LRRFIP2: variants seen among roughly 807,000 people sequenced by gnomAD.
LRRFIP2 encodes LRR binding FLII interacting protein 2.
Under a neutral mutation model 125.9 loss-of-function variants are expected in LRRFIP2, and 109 were observed. The ratio of observed to expected loss-of-function variants is 0.87; its 90% CI spans 0.74 to 1.01. LRRFIP2 has a LOEUF of 1.01. Among genes scored for constraint, LRRFIP2 ranks in the 50% least tolerant of loss-of-function variants. The pLI is 0.00. For synonymous variants in LRRFIP2, 291 were observed against 293.1 expected (o/e 0.99, Z 0.07); for missense variants, 850 against 862.3 (o/e 0.99, Z 0.18).
intron 17 of LRRFIP2, among the ~76,000 whole-genome samples, chr3:37,092,226 T>C (rs2093482217): frequency 6.6e-6 from 1 of 152,244 alleles, no homozygotes; most frequent in South Asian, 2.1e-4. Context: ...AAATACTGTT[T>C]CCCTGTGTCT....
chr3:37,055,069 C>T lies in LRRFIP2; in HGVS notation c.1950+17G>A, dbSNP rs768966406. ...GAAGGACATTTAAATAACTTAGTAC[C>T]ATATAGAAGTACTTACACTTTGCTC... On this transcript the variant is annotated intron_variant, in intron 26 of 27. Coordinates refer to ENST00000336686, the MANE Select transcript of LRRFIP2 (RefSeq NM_006309.4). The T allele has an allele frequency of 1.3e-6, 2 of 1,524,148 alleles. No individual in the cohort carries two copies. Among genetic ancestry groups the T allele is most frequent in the Non-Finnish European group, 1.8e-6 (2 of 1,110,292 alleles). 94.4% of individuals were successfully genotyped at this position (1,524,148 alleles called of 1,614,324 possible).
chr3:37,054,594 T>C, intron 26 of LRRFIP2, 79 bp from the exon 27 acceptor site: 2 of 926,486 alleles, frequency 2.2e-6, no homozygotes, highest in South Asian at 2.9e-5. Context: ...GGAAATACAA[T>C]GTCATTATAA....
intron 2 of LRRFIP2, among the ~76,000 whole-genome samples, chr3:37,135,319 C>T (rs902278020): frequency 4.6e-5 from 7 of 152,018 alleles, no homozygotes; most frequent in Admixed American, 4.6e-4. Flanking sequence ...ATTAGCTGGG[C>T]ATGGTGGCGT....
intron 2 of LRRFIP2, among the ~76,000 whole-genome samples, chr3:37,131,105 G>C (rs1226858915): frequency 6.6e-6 from 1 of 152,118 alleles, no homozygotes; most frequent in African/African-American, 2.4e-5. Context: ...ACTATCCACA[G>C]TTTCAGGCAT....
intron 18 of LRRFIP2, among the ~76,000 whole-genome samples, chr3:37,088,644 T>A (rs1048586117): frequency 6.7e-6 from 1 of 150,148 alleles, no homozygotes; most frequent in East Asian, 2.0e-4. Flanking sequence ...AGACTCCGTA[T>A]CTATAAAAAA....
chr3:37,079,566 C>A (rs2148989160), intron 19 of LRRFIP2, among the ~76,000 whole-genome samples: 1 of 152,118 alleles, frequency 6.6e-6, no homozygotes, highest in Middle Eastern at 3.4e-3. Flanking sequence ...TAGCAAGGCC[C>A]CATCTCTTAG....
At chr3:37,142,932 G>A (rs895896494) in intron 2 of LRRFIP2, among the ~76,000 whole-genome samples, 4 of 152,170 alleles carry the variant, frequency 2.6e-5, no homozygotes, top group Admixed American at 2.0e-4. Flanking sequence ...AGTGTTGGAG[G>A]TGAGGCCTGG....
rs747386304 is a variant in LRRFIP2 at position 37,129,094 on chromosome 3, C to A, written c.146G>T (p.Arg49Leu). 4 of 1,614,090 alleles carry A rather than the reference C, an allele frequency of 2.5e-6. No individual in the cohort carries two copies. In the South Asian group the frequency reaches 3.3e-5, roughly 13 times the overall value. The stretch of plus-strand genomic sequence containing the variant: ...TTGTTGTCGTTCCAGTTCTCTCATG[C>A]GTATATCTCTTGCTTCTGCCCGGGC... ...RAARAEARDI[R>L]MRELERQQKE... The change falls in exon 3 of 28, where the codon CGC becomes CTC. Residue 49 changes from arginine (R) to leucine (L), a missense_variant. Physicochemically the swap from Arg to Leu is moderately radical, Grantham distance 102. Transcript: ENST00000336686.
At chr3:37,152,447 A>T (rs1021279152) in intron 1 of LRRFIP2, among the ~76,000 whole-genome samples, 3 of 147,866 alleles carry the variant, frequency 2.0e-5, no homozygotes, top group Admixed American at 1.3e-4. Context: ...TATTGAAATA[A>T]TTTTTTTTTT....
intron 1 of LRRFIP2, among the ~76,000 whole-genome samples, chr3:37,150,290 C>T (rs1029411273): frequency 3.3e-5 from 5 of 152,096 alleles, no homozygotes; most frequent in African/African-American, 7.2e-5. Context: ...TGGTGAAACC[C>T]CATCTCTACT....
At chr3:37,160,172 T>G (rs1048850724) in intron 1 of LRRFIP2, among the ~76,000 whole-genome samples, 9 of 151,908 alleles carry the variant, frequency 5.9e-5, no homozygotes, top group Admixed American at 3.9e-4. Context: ...GGGTAAGCAA[T>G]GGGAACAGGG....
intron 6 of LRRFIP2, among the ~76,000 whole-genome samples, chr3:37,118,050 A>G (rs2149512420): frequency 1.3e-5 from 2 of 152,270 alleles, no homozygotes; most frequent in East Asian, 3.9e-4. Context: ...ATCTCCACCA[A>G]TGAGAAAAGG....
intron 1 of LRRFIP2, chr3:37,174,291 T>G (rs2096626571): frequency 6.6e-6 from 1 of 152,232 alleles, no homozygotes; most frequent in African/African-American, 2.4e-5. Context: ...GATTTCAACC[T>G]TATTTTACTT....
intron 1 of LRRFIP2, among the ~76,000 whole-genome samples, chr3:37,156,560 G>C (rs1327514571): frequency 6.6e-6 from 1 of 150,410 alleles, no homozygotes; most frequent in African/African-American, 2.4e-5. Flanking sequence ...TGTAGTCCCA[G>C]CTACTCGGGA....
At chr3:37,165,221 C>T (rs369042656) in intron 1 of LRRFIP2, among the ~76,000 whole-genome samples, 10 of 148,520 alleles carry the variant, frequency 6.7e-5, no homozygotes, top group Non-Finnish European at 1.3e-4. Context: ...GGTGACAGAG[C>T]GAGACTCTGT....
intron 2 of LRRFIP2, chr3:37,135,026 A>C: frequency 2.0e-6 from 3 of 1,476,964 alleles, no homozygotes; most frequent in Non-Finnish European, 2.8e-6. Flanking sequence ...AGTGCCAGAG[A>C]GCACACGGAT....
chr3:37,071,852 A>G (rs980469163), intron 21 of LRRFIP2, among the ~76,000 whole-genome samples: 1 of 152,138 alleles, frequency 6.6e-6, no homozygotes, highest in African/African-American at 2.4e-5. Context: ...GGGACTGCCA[A>G]TCAAAGGCCA....
chr3:37,070,842 T>C (rs1396265292), intron 21 of LRRFIP2, among the ~76,000 whole-genome samples: 2 of 152,190 alleles, frequency 1.3e-5, no homozygotes, highest in Non-Finnish European at 2.9e-5. Flanking sequence ...CAGTTTAAAA[T>C]ATTAAGGCAC....
At chr3:37,137,961 C>A (rs2095599576) in intron 2 of LRRFIP2, among the ~76,000 whole-genome samples, 1 of 152,206 alleles carries the variant, frequency 6.6e-6, no homozygotes, top group Non-Finnish European at 1.5e-5. Context: ...TCTCCATCTA[C>A]TCCAACAGAC....
Sources: allele counts gnomAD v4.1 joint callset (sites outside exome capture counted in the v4.1 genomes callset), GRCh38; gene constraint gnomAD v4.1.1; transcripts MANE v1.5; gene names NCBI Gene and HGNC (gene_info 2026-07-23, HGNC 2026-07-21).